Variants in AFF2 observed in about 807,000 individuals in gnomAD.
AFF2 encodes AF4/FMR2 family member 2.
AFF2 carries 14 observed loss-of-function variants against 76.9 expected under a neutral mutation model. That is an observed-to-expected ratio of 0.18 (90% CI 0.12 to 0.28). The LOEUF is 0.28. Among genes scored for constraint, AFF2 ranks in the 10% least tolerant of loss-of-function variants. The probability of loss-of-function intolerance (pLI) is 1.00; values close to 1 mark genes in which losing one functional copy is unlikely to be tolerated. For synonymous variants in AFF2, 398 were observed against 366.7 expected, an observed-to-expected ratio of 1.09 and a Z score of -0.98; for missense variants, 868 against 1,001.1, an observed-to-expected ratio of 0.87 and a Z score of 1.79.
In AFF2 at chrX:148,966,656, G is replaced by A. The variant is rs781819040; in HGVS notation, c.2914-134G>A. 6.4e-6 allele frequency: 7 copies of A among 1,086,431 alleles called. No homozygotes were observed. In the East Asian group the frequency reaches 1.9e-4, roughly 29 times the overall value. 89.5% of individuals were successfully genotyped at this position (1,086,431 alleles called of 1,213,427 possible). A position where few individuals can be genotyped will look rare whatever the true frequency, so the allele number is the denominator to read the frequency against. ...TCCAGGGTCACCTATTTATCCTCAA[G>A]CTGTGTGCATTGTTTTCTTTCTTTT... On this transcript the variant is annotated intron_variant, in intron 13 of 20. Coordinates refer to ENST00000370460, the MANE Select transcript of AFF2 (RefSeq NM_002025.4).
chrX:148,563,270 T>C (rs946026470), intron 1 of AFF2, among the ~76,000 whole-genome samples: 1 of 112,291 alleles, frequency 8.9e-6, no homozygotes, highest in Non-Finnish European at 1.9e-5. Context: ...TCATTCTACC[T>C]GCAATGGGAA....
At chrX:148,969,909 G>A (rs2072228707) in intron 15 of AFF2, among the ~76,000 whole-genome samples, 1 of 110,540 alleles carries the variant, frequency 9.0e-6, no homozygotes, top group Non-Finnish European at 1.9e-5. Flanking sequence ...AGGGGTGGGG[G>A]GCATAACTTG....
At chrX:148,814,935 C>G (rs1265921422) in intron 4 of AFF2, among the ~76,000 whole-genome samples, 2 of 111,326 alleles carry the variant, frequency 1.8e-5, no homozygotes, top group Non-Finnish European at 3.8e-5. Flanking sequence ...TAATCAAGCA[C>G]CTTTCAGTAG....
chrX:148,672,397 G>T (rs781995148), intron 3 of AFF2, among the ~76,000 whole-genome samples: 1 of 111,958 alleles, frequency 8.9e-6, no homozygotes, highest in East Asian at 2.8e-4. Flanking sequence ...ACTTAGTCTC[G>T]GAGAGGCTAA....
chrX:148,612,589 A>C (rs1371430143), intron 1 of AFF2, among the ~76,000 whole-genome samples: 1 of 112,228 alleles, frequency 8.9e-6, no homozygotes, highest in East Asian at 2.8e-4. Context: ...AGGAGACATG[A>C]TCACCAGACC....
At chrX:148,899,166 T>C (rs1306549718) in intron 8 of AFF2, among the ~76,000 whole-genome samples, 1 of 112,295 alleles carries the variant, frequency 8.9e-6, no homozygotes, top group African/African-American at 3.2e-5. Context: ...CACCCTTGGC[T>C]GTGTGTGCTT....
intron 20 of AFF2, among the ~76,000 whole-genome samples, chrX:148,989,343 T>G (rs1005999152): frequency 8.9e-6 from 1 of 112,721 alleles, no homozygotes; most frequent in Non-Finnish European, 1.9e-5. Flanking sequence ...ACTTCAGAAC[T>G]TTCCAGGAGC....
chrX:148,801,341 C>A (rs1187471092), intron 3 of AFF2, among the ~76,000 whole-genome samples: 3 of 112,046 alleles, frequency 2.7e-5, no homozygotes, highest in East Asian at 5.6e-4. Flanking sequence ...CCTAGCAAGT[C>A]TATGATCCAT....
intron 3 of AFF2, among the ~76,000 whole-genome samples, chrX:148,740,599 G>A (rs1243689743): frequency 9.0e-6 from 1 of 111,498 alleles, no homozygotes; most frequent in African/African-American, 3.3e-5. Context: ...TTTGCCTTTG[G>A]TCCTTCCCTG....
Position 148,962,764 on chromosome X carries a change from C to T in AFF2, c.2740C>T (p.Pro914Ser). The change falls in exon 13 of 21, where the codon CCT becomes TCT. Residue 914 changes from proline (P) to serine (S), a missense_variant. Transcript: ENST00000370460. The stretch of plus-strand genomic sequence containing the variant: ...TAGAAGAAAGGAAGAAAAACTATTT[C>T]CTCCTCCACTTTCCCCACTGCCAGA... Reference protein sequence around the residue: ...ANRRKEEKLFPPPLSPLPEDP... With the variant: ...ANRRKEEKLFSPPLSPLPEDP... 1 of 1,210,725 alleles carries T rather than the reference C, an allele frequency of 8.3e-7. No homozygotes were observed. The highest frequency in any genetic ancestry group is 1.1e-6 in the Non-Finnish European group (1 of 894,808).
chrX:148,733,217 G>A (rs73638182), intron 3 of AFF2, among the ~76,000 whole-genome samples: 7,692 of 111,241 alleles, frequency 0.069, 469 homozygotes, highest in African/African-American at 0.2. Context: ...CCTGCTTGGC[G>A]TTATGTGTTA....
chrX:148,620,993 C>G (rs1331637984), intron 1 of AFF2, among the ~76,000 whole-genome samples: 1 of 111,865 alleles, frequency 8.9e-6, no homozygotes, highest in African/African-American at 3.2e-5. Context: ...AGAAAGCACT[C>G]TCAAAGGAGA....
At chrX:148,533,637 G>A (rs1253877090) in intron 1 of AFF2, among the ~76,000 whole-genome samples, 3 of 111,641 alleles carry the variant, frequency 2.7e-5, no homozygotes, top group African/African-American at 9.8e-5. Context: ...GGTGGATTTG[G>A]AGAATCTAGA....
At chrX:148,867,860 A>G (rs2070925750) in intron 7 of AFF2, among the ~76,000 whole-genome samples, 1 of 111,424 alleles carries the variant, frequency 9.0e-6, no homozygotes, top group African/African-American at 3.3e-5. Flanking sequence ...TTCCTAGAAC[A>G]CAGGTCCACA....
At position 148,994,099 on chromosome X, in the gene AFF2, A is replaced by G. The variant is rs953943942; in HGVS notation, c.*2767A>G. On this transcript the variant is annotated 3_prime_UTR_variant, in exon 21 of 21. Coordinates refer to ENST00000370460, the MANE Select transcript of AFF2 (RefSeq NM_002025.4). ...TCTTGATGGAGGCTTGGTGAGACAC[A>G]CTTAAATAAGCACGTGGAGGTTAGA... The G allele has an allele frequency of 8.1e-5, 9 of 111,256 alleles. No individual in the cohort carries two copies. Among genetic ancestry groups the G allele is most frequent in the African/African-American group, 3.0e-4 (9 of 30,335 alleles). The allele number at this position is 111,256 out of a possible 1,213,427, so 9.2% of individuals were successfully genotyped here. A position where few individuals can be genotyped will look rare whatever the true frequency, so the allele number is the denominator to read the frequency against.
At chrX:148,617,949 T>A (rs1391071240) in intron 1 of AFF2, among the ~76,000 whole-genome samples, 2 of 111,563 alleles carry the variant, frequency 1.8e-5, no homozygotes, top group East Asian at 5.7e-4. Flanking sequence ...TACACAGGAG[T>A]GACATCCAGG....
chrX:148,601,445 C>T (rs902861421), intron 1 of AFF2, among the ~76,000 whole-genome samples: 2 of 111,502 alleles, frequency 1.8e-5, no homozygotes, highest in Admixed American at 9.5e-5. Flanking sequence ...CTTTAAGAAA[C>T]AAAAGTCCAG....
chrX:148,699,756 A>G (rs1166551261), intron 3 of AFF2, among the ~76,000 whole-genome samples: 8 of 111,960 alleles, frequency 7.1e-5, no homozygotes, highest in African/African-American at 2.6e-4. Context: ...CTGTCTTTGA[A>G]TTTTTACTTG....
intron 9 of AFF2, among the ~76,000 whole-genome samples, chrX:148,941,080 T>A (rs2071828637): frequency 8.9e-6 from 1 of 111,978 alleles, no homozygotes; most frequent in South Asian, 3.7e-4. Context: ...AAATATGACA[T>A]TGATAGTCTT....
Sources: gnomAD v4.1 joint callset for allele counts (sites outside exome capture counted in the v4.1 genomes callset) on GRCh38, gnomAD v4.1.1 for gene constraint, MANE v1.5 for transcripts, NCBI Gene and HGNC (gene_info 2026-07-23, HGNC 2026-07-21) for gene names.